The following NGF variants were observed in gnomAD, a reference collection of about 807,000 sequenced individuals.
NGF encodes beta-nerve growth factor.
Under a neutral mutation model 12.8 loss-of-function variants are expected in NGF, and 4 were observed. The observed-to-expected ratio is 0.31, with a 90% CI of 0.15 to 0.72. The LOEUF (loss-of-function observed/expected upper bound fraction) is 0.72. Ranked by LOEUF, NGF falls within the 30% of genes least tolerant of loss-of-function variation. NGF has a pLI of 0.69. For missense variants in NGF, 283 were observed against 330.8 expected (o/e 0.86, Z 1.12); for synonymous variants, 140 against 130.0 (o/e 1.08, Z -0.52).
intron 1 of NGF, among the ~76,000 whole-genome samples, chr1:115,297,078 AG>A (rs1346650418): frequency 1.3e-5 from 2 of 152,252 alleles, no homozygotes; most frequent in Admixed American, 6.5e-5. Flanking sequence ...GCTTTAAAGC[AG>A]TGGTTCTCAA....
At chr1:115,308,532 A>T (rs182693476) in intron 1 of NGF, among the ~76,000 whole-genome samples, 1 of 152,328 alleles carries the variant, frequency 6.6e-6, no homozygotes, top group East Asian at 1.9e-4. Context: ...CTACTTCAAC[A>T]TGAGGTTTCT....
At chr1:115,317,710 G>C (rs539718061) in intron 1 of NGF, among the ~76,000 whole-genome samples, 1 of 152,198 alleles carries the variant, frequency 6.6e-6, no homozygotes, top group African/African-American at 2.4e-5. Context: ...GGAGACCTTA[G>C]TCAAGTGACT....
intron 1 of NGF, among the ~76,000 whole-genome samples, chr1:115,329,456 G>A (rs925746297): frequency 6.6e-6 from 1 of 152,166 alleles, no homozygotes; most frequent in African/African-American, 2.4e-5. Flanking sequence ...GCCATCCGCT[G>A]TTCGAAATCA....
chr1:115,324,120 C>T (rs545321588), intron 1 of NGF, among the ~76,000 whole-genome samples: 8 of 152,286 alleles, frequency 5.3e-5, no homozygotes, highest in Admixed American at 2.0e-4. Context: ...TGAACACCCA[C>T]CCATCACCTG....
intron 2 of NGF, among the ~76,000 whole-genome samples, chr1:115,287,954 C>T (rs547016540): frequency 1.1e-4 from 16 of 152,308 alleles, no homozygotes; most frequent in East Asian, 5.8e-4. Context: ...GTGTAGCAAA[C>T]GTCAGCTCCT....
chr1:115,309,311 G>A (rs192800134), intron 1 of NGF, among the ~76,000 whole-genome samples: 1 of 152,184 alleles, frequency 6.6e-6, no homozygotes, highest in Non-Finnish European at 1.5e-5. Context: ...ATAAAGACTA[G>A]AAGGAAATAT....
In NGF at chr1:115,312,609, G is replaced by C. The variant is rs114715162; in HGVS notation, c.-136-18859C>G. ...TTTTGCTTTACCTTGACAGATACCA[G>C]AGTTGCTGGATCTTAGCACTTTCTT... On this transcript the variant is annotated intron_variant, in intron 1 of 2. Coordinates refer to ENST00000369512, the MANE Select transcript of NGF (RefSeq NM_002506.3). 5.1e-3 allele frequency among the ~76,000 whole-genome samples: 780 copies of C among 152,284 alleles called. 10 individuals are homozygous for C. The highest frequency in any genetic ancestry group is 0.018 in the African/African-American group (751 of 41,560).
intron 1 of NGF, among the ~76,000 whole-genome samples, chr1:115,333,655 C>CTCTTTCTTTCTTTCTTTCTT (rs368041850): frequency 2.2e-5 from 3 of 135,104 alleles, no homozygotes; most frequent in Admixed American, 7.6e-5. Context: ...TTCTTTCTTT[C>CTCTTTCTTTCTTTCTTTCTT]TCTTTCTTTC....
At chr1:115,326,760 T>G (rs1441463545) in intron 1 of NGF, among the ~76,000 whole-genome samples, 1 of 152,172 alleles carries the variant, frequency 6.6e-6, no homozygotes. Context: ...AGATCCCTCA[T>G]GCAACTAAGG....
intron 1 of NGF, among the ~76,000 whole-genome samples, chr1:115,317,691 C>T (rs1654508364): frequency 6.6e-6 from 1 of 152,162 alleles, no homozygotes; most frequent in South Asian, 2.1e-4. Context: ...TGCGGCCAAG[C>T]TACAGTCAGG....
At chr1:115,294,602 A>G (rs1268134378) in intron 1 of NGF, among the ~76,000 whole-genome samples, 13 of 152,226 alleles carry the variant, frequency 8.5e-5, no homozygotes, top group Non-Finnish European at 1.9e-4. Context: ...GAAGGCAATT[A>G]CAGGGTCTGA....
intron 1 of NGF, among the ~76,000 whole-genome samples, chr1:115,295,568 T>C (rs1387277792): frequency 1.3e-5 from 2 of 152,116 alleles, no homozygotes; most frequent in African/African-American, 4.8e-5. Flanking sequence ...ATCTGGGTGT[T>C]TGGCTAAACC....
At chr1:115,314,856 G>T in intron 1 of NGF, among the ~76,000 whole-genome samples, 1 of 152,238 alleles carries the variant, frequency 6.6e-6, no homozygotes, top group East Asian at 1.9e-4. Flanking sequence ...GGAAATGTCC[G>T]TTGGTGATAA....
chr1:115,312,379 G>T (rs1227315862), intron 1 of NGF, among the ~76,000 whole-genome samples: 5 of 152,002 alleles, frequency 3.3e-5, no homozygotes, highest in Admixed American at 3.3e-4. Flanking sequence ...CCCATGCTAG[G>T]TACCACAGAG....
intron 1 of NGF, among the ~76,000 whole-genome samples, chr1:115,326,556 A>G (rs1223113304): frequency 1.3e-5 from 2 of 152,124 alleles, no homozygotes; most frequent in African/African-American, 4.8e-5. Flanking sequence ...TTCCACATTC[A>G]TGCTTTTTCT....
At chr1:115,289,342 GA>G (rs1436638142) in intron 2 of NGF, among the ~76,000 whole-genome samples, 4 of 152,126 alleles carry the variant, frequency 2.6e-5, no homozygotes, top group African/African-American at 9.7e-5. Context: ...ATTTCAAGAG[GA>G]AAATGAAATT....
At chr1:115,308,723 A>G (rs557315691) in intron 1 of NGF, among the ~76,000 whole-genome samples, 1 of 152,268 alleles carries the variant, frequency 6.6e-6, no homozygotes, top group South Asian at 2.1e-4. Context: ...GCAATGAAGG[A>G]GGTAAAGAAG....
At chr1:115,312,974 T>C (rs1389536310) in intron 1 of NGF, among the ~76,000 whole-genome samples, 1 of 152,234 alleles carries the variant, frequency 6.6e-6, no homozygotes, top group Non-Finnish European at 1.5e-5. Flanking sequence ...TTTGGTAACA[T>C]TTATTTGAAT....
At chr1:115,311,351 A>G (rs904580267) in intron 1 of NGF, among the ~76,000 whole-genome samples, 42 of 152,198 alleles carry the variant, frequency 2.8e-4, no homozygotes, top group African/African-American at 1.0e-3. Flanking sequence ...TATTTGATTT[A>G]CATATGCTGA....
Sources: allele counts gnomAD v4.1 joint callset (sites outside exome capture counted in the v4.1 genomes callset), GRCh38; gene constraint gnomAD v4.1.1; transcripts MANE v1.5; gene names NCBI Gene and HGNC (gene_info 2026-07-23, HGNC 2026-07-21).